The following FSTL4 variants were observed in gnomAD, a reference collection of about 807,000 sequenced individuals.
FSTL4 encodes follistatin-related protein 4.
A neutral mutation model predicts 78.2 loss-of-function variants in FSTL4; 28 were observed. The observed-to-expected ratio is 0.36, with a 90% CI of 0.27 to 0.49. The LOEUF is 0.49. Among genes scored for constraint, FSTL4 ranks in the 20% least tolerant of loss-of-function variants. FSTL4 has a pLI of 0.98. For missense variants in FSTL4, 922 were observed against 1,084.9 expected (o/e 0.85, Z 2.11); for synonymous variants, 422 against 440.5 (o/e 0.96, Z 0.53).
intron 2 of FSTL4, among the ~76,000 whole-genome samples, chr5:133,590,969 C>T (rs963550196): frequency 8.5e-5 from 13 of 152,158 alleles, no homozygotes; most frequent in Non-Finnish European, 1.6e-4. Context: ...ATGGAGCCTT[C>T]GTTACCTAAA....
chr5:133,772,793 A>T, the FSTL4 span, among the ~76,000 whole-genome samples: 8 of 152,292 alleles, frequency 5.3e-5, no homozygotes, highest in East Asian at 1.5e-3. Context: ...CACCTCTTAA[A>T]GGTACTACTT....
chr5:133,745,472 C>A, the FSTL4 span, among the ~76,000 whole-genome samples: 1 of 152,214 alleles, frequency 6.6e-6, no homozygotes, highest in Non-Finnish European at 1.5e-5. Flanking sequence ...TAAATCCACA[C>A]ATAGTGTATA....
chr5:133,780,080 T>G, the FSTL4 span, among the ~76,000 whole-genome samples: 1 of 152,040 alleles, frequency 6.6e-6, no homozygotes, highest in Non-Finnish European at 1.5e-5. Context: ...GGCTCGCAGG[T>G]GCACACCCAT....
Position 133,316,467 on chromosome 5 carries a change from G to A in FSTL4, c.595C>T (p.Leu199=), listed in dbSNP as rs141865914. 6.2e-7 allele frequency: 1 copy of A among 1,613,308 alleles called. No homozygotes were observed. Among genetic ancestry groups the A allele is most frequent in the Non-Finnish European group, 8.5e-7 (1 of 1,179,438 alleles). Residue 199 remains leucine (L), a synonymous_variant, in exon 5 of 16, where the codon CTG becomes TTG. Transcript: ENST00000265342. The stretch of plus-strand genomic sequence containing the variant: ...CTGAACACGATGCCCACCTGAGCCA[G>A]TTCGGAGCTGCTGAGGTGGCCATTG... ...DGNGHLSSSE[L]AQHVLKKQDL... is the part of the protein sequence containing the mutation.
chr5:133,557,644 C>T (rs919681050), intron 3 of FSTL4, among the ~76,000 whole-genome samples: 1 of 152,188 alleles, frequency 6.6e-6, no homozygotes, highest in Non-Finnish European at 1.5e-5. Flanking sequence ...ATCTGTCTTC[C>T]ACTGGACCTG....
At chr5:133,431,671 T>C (rs1427113769) in intron 3 of FSTL4, among the ~76,000 whole-genome samples, 1 of 152,146 alleles carries the variant, frequency 6.6e-6, no homozygotes, top group Non-Finnish European at 1.5e-5. Flanking sequence ...AGCAGAAAAA[T>C]CACCCAGCTG....
At chr5:133,625,734 T>TATATATATATATATATACATATATTCC in the FSTL4 span, among the ~76,000 whole-genome samples, 3 of 80,428 alleles carry the variant, frequency 3.7e-5, no homozygotes, top group African/African-American at 1.9e-4. Context: ...CATATATATA[T>TATATATATATATATATACATATATTCC]ATATATATAT....
chr5:133,285,210 T>TATAA (rs1561656869), intron 6 of FSTL4, among the ~76,000 whole-genome samples: 2 of 152,168 alleles, frequency 1.3e-5, no homozygotes, highest in Non-Finnish European at 2.9e-5. Flanking sequence ...GGGCACTGTT[T>TATAA]GAAAGAAGAG....
the FSTL4 span, among the ~76,000 whole-genome samples, chr5:133,618,888 G>C: frequency 6.6e-6 from 1 of 152,168 alleles, no homozygotes; most frequent in South Asian, 2.1e-4. Context: ...TGAATCTATT[G>C]GTATATTTAA....
intron 3 of FSTL4, among the ~76,000 whole-genome samples, chr5:133,510,603 C>A (rs1197304551): frequency 6.6e-6 from 1 of 152,110 alleles, no homozygotes; most frequent in African/African-American, 2.4e-5. Context: ...GGAGAAACCA[C>A]AAACTTAGCT....
the FSTL4 span, among the ~76,000 whole-genome samples, chr5:133,811,260 C>T: frequency 6.6e-6 from 1 of 152,198 alleles, no homozygotes; most frequent in Non-Finnish European, 1.5e-5. Context: ...CTCTTCACCA[C>T]TTCCCCCGAG....
At chr5:133,713,352 A>G in the FSTL4 span, among the ~76,000 whole-genome samples, 39 of 152,326 alleles carry the variant, frequency 2.6e-4, no homozygotes, top group Non-Finnish European at 4.9e-4. Context: ...ATCTGATAGG[A>G]AGGAAATAGC....
At position 133,225,707 on chromosome 5, in the gene FSTL4, T is replaced by C; in HGVS notation, c.1128A>G (p.Lys376=). 1 of 1,612,084 alleles carries C rather than the reference T, an allele frequency of 6.2e-7. No individual in the cohort carries two copies. Among genetic ancestry groups the C allele is most frequent in the Non-Finnish European group, 8.5e-7 (1 of 1,179,186 alleles). Residue 376 remains lysine (K), a synonymous_variant, in exon 9 of 16, where the codon AAA becomes AAG. Transcript: ENST00000265342. This position sits in a 1 kb window ranked among gnomAD's most constrained non-coding sequence, Gnocchi z 4.6. The part of the protein sequence containing the change: ...GIPMPRITWL[K]NGVDVSTQMS... The stretch of plus-strand genomic sequence containing the variant: ...TCTGAGTTGAGACATCCACGCCGTT[T>C]TTCAGCCAAGTGATTCTGGGCATGG...
At position 133,325,164 on chromosome 5, in the gene FSTL4, C is replaced by A. The variant is rs150108827; in HGVS notation, c.410-8512G>T. The stretch of plus-strand genomic sequence containing the variant: ...TCACCCTGTGAAGAGGCCAGCTGAG[C>A]GCCCTGTGCTTGAAACAGCCACCCA... On this transcript the variant is annotated intron_variant, in intron 4 of 15. Coordinates refer to ENST00000265342, the MANE Select transcript of FSTL4 (RefSeq NM_015082.2). 7.4e-3 allele frequency among the ~76,000 whole-genome samples: 1,132 copies of A among 152,308 alleles called. 10 individuals carry two copies. Among genetic ancestry groups the A allele is most frequent in the African/African-American group, 0.026 (1,079 of 41,566 alleles).
At chr5:133,640,247 G>A in the FSTL4 span, among the ~76,000 whole-genome samples, 5 of 152,244 alleles carry the variant, frequency 3.3e-5, no homozygotes, top group Middle Eastern at 3.4e-3. Flanking sequence ...AAATCCACCC[G>A]GAGAGATGTG....
chr5:133,283,174 C>T (rs1284964538), intron 6 of FSTL4, among the ~76,000 whole-genome samples: 1 of 152,100 alleles, frequency 6.6e-6, no homozygotes, highest in African/African-American at 2.4e-5. Flanking sequence ...AACTGGGTGT[C>T]CTGAACCGTT....
chr5:133,624,394 G>A, the FSTL4 span, among the ~76,000 whole-genome samples: 1 of 151,798 alleles, frequency 6.6e-6, no homozygotes, highest in African/African-American at 2.4e-5. Flanking sequence ...TTCAGAATAG[G>A]TAAATCCATA....
chr5:133,565,559 G>A (rs1355154650), intron 3 of FSTL4, among the ~76,000 whole-genome samples: 3 of 152,350 alleles, frequency 2.0e-5, no homozygotes, highest in South Asian at 4.1e-4. Context: ...AACCCACAGT[G>A]TATGTTCCTA....
the FSTL4 span, among the ~76,000 whole-genome samples, chr5:133,690,012 G>C: frequency 6.6e-6 from 1 of 152,122 alleles, no homozygotes; most frequent in Non-Finnish European, 1.5e-5. Context: ...AGTGAGCCCA[G>C]ATCACACCAT....
Sources: gnomAD v4.1 joint callset for allele counts (sites outside exome capture counted in the v4.1 genomes callset) on GRCh38, gnomAD v4.1.1 for gene constraint, Gnocchi (gnomAD v3.1) non-coding constraint, MANE v1.5 for transcripts, NCBI Gene and HGNC (gene_info 2026-07-23, HGNC 2026-07-21) for gene names.